MAP3K15: variants seen among roughly 807,000 people sequenced by gnomAD.
MAP3K15 encodes the protein MAPK/ERK kinase kinase 15.
Under a neutral mutation model 99.5 loss-of-function variants are expected in MAP3K15, and 124 were observed. The ratio of observed to expected loss-of-function variants is 1.25; its 90% CI spans 1.08 to 1.45. The LOEUF is 1.45. MAP3K15 is among the 40% of genes most tolerant of loss of function. The pLI, the probability that MAP3K15 is intolerant of heterozygous loss-of-function variation, is 0.00. For missense variants in MAP3K15, 1,242 were observed against 1,079.7 expected (o/e 1.15, Z -2.11); for synonymous variants, 494 against 439.6 (o/e 1.12, Z -1.55).
chrX:19,419,331 C>A (rs757263689), intron 9 of MAP3K15, among the ~76,000 whole-genome samples: 3,849 of 105,540 alleles, frequency 0.036, 186 homozygotes, highest in African/African-American at 0.12. Flanking sequence ...TCAAAATAAA[C>A]GGATGGAGGA....
chrX:19,493,301 G>C (rs1186797209), intron 1 of MAP3K15, among the ~76,000 whole-genome samples: 2 of 96,949 alleles, frequency 2.1e-5, no homozygotes, highest in African/African-American at 7.8e-5. Flanking sequence ...GATTGGGAGA[G>C]ACTTTTCACT....
intron 19 of MAP3K15, among the ~76,000 whole-genome samples, chrX:19,378,555 C>T (rs1266400790): frequency 9.0e-6 from 1 of 111,424 alleles, no homozygotes; most frequent in African/African-American, 3.3e-5. Flanking sequence ...ATCAGAAGAA[C>T]TGGATGGGGG....
At chrX:19,476,174 T>C (rs777788653) in intron 3 of MAP3K15, among the ~76,000 whole-genome samples, 4 of 112,092 alleles carry the variant, frequency 3.6e-5, no homozygotes, top group Non-Finnish European at 7.5e-5. Flanking sequence ...AGTCAACAAA[T>C]GGCCAAGTGA....
chrX:19,436,785 C>G (rs1426257525), intron 6 of MAP3K15, among the ~76,000 whole-genome samples: 1 of 111,703 alleles, frequency 9.0e-6, no homozygotes, highest in Non-Finnish European at 1.9e-5. Flanking sequence ...TGAAGCGACT[C>G]TCATGCCTCA....
chrX:19,447,808 C>T (rs1328864972), intron 6 of MAP3K15, among the ~76,000 whole-genome samples: 2 of 80,356 alleles, frequency 2.5e-5, no homozygotes, highest in Non-Finnish European at 4.8e-5. Flanking sequence ...GGCGTGAACC[C>T]GGGAGGCGGA....
chrX:19,502,454 C>G (rs1207777508), intron 1 of MAP3K15, among the ~76,000 whole-genome samples: 1 of 111,251 alleles, frequency 9.0e-6, no homozygotes. Flanking sequence ...TGCCTTGCCT[C>G]CCCTTCCCCT....
At chrX:19,490,920 T>G (rs1417402448) in intron 1 of MAP3K15, among the ~76,000 whole-genome samples, 2 of 110,918 alleles carry the variant, frequency 1.8e-5, no homozygotes, top group Non-Finnish European at 3.8e-5. Flanking sequence ...GATGTAAGAG[T>G]TCCAAGTTTG....
At chrX:19,492,688 C>T (rs1322232122) in intron 1 of MAP3K15, among the ~76,000 whole-genome samples, 4 of 111,715 alleles carry the variant, frequency 3.6e-5, no homozygotes, top group South Asian at 3.7e-4. Context: ...TGTTTCAGGC[C>T]GGGCGCGGTG....
chrX:19,487,384 A>T (rs759870132), intron 2 of MAP3K15, among the ~76,000 whole-genome samples: 1 of 111,811 alleles, frequency 8.9e-6, no homozygotes, highest in Non-Finnish European at 1.9e-5. Context: ...TTGAAAAAAA[A>T]ATTCTAATTT....
chrX:19,374,714 G>T, intron 19 of MAP3K15, 54 bp from the exon 20 acceptor site: 1 of 1,085,217 alleles, frequency 9.2e-7, no homozygotes, highest in Admixed American at 2.3e-5. Context: ...GGTGAATTCA[G>T]GTATCCATGT....
chrX:19,367,723 A>AT (rs748998915), intron 25 of MAP3K15, among the ~76,000 whole-genome samples: 591 of 24,121 alleles, frequency 0.025, 260 homozygotes, highest in East Asian at 0.062. Flanking sequence ...ATAACTATGG[A>AT]TTTTTTTTTT....
rs369408114 is a variant in MAP3K15 at position 19,459,978 on chromosome X, T to A, written c.888+7A>T. The A allele has an allele frequency of 3.5e-6, 4 of 1,133,351 alleles. No homozygotes were observed. In the African/African-American group the frequency reaches 7.3e-5, roughly 21 times the overall value. The allele number at this position is 1,133,351 out of a possible 1,213,427, so 93.4% of individuals were successfully genotyped here. ...ATACGTGAGCCTCGGCTAGGTGGAT[T>A]TCATACCTGGATATCACGGTAGGAC... On this transcript the variant is annotated splice_region_variant and intron_variant, in intron 5 of 28. Coordinates refer to ENST00000338883, the MANE Select transcript of MAP3K15 (RefSeq NM_001001671.4).
At position 19,452,388 on chromosome X, in the gene MAP3K15, GAGA is replaced by G. The variant is rs1569229872; in HGVS notation, c.995+4522_995+4524del. ...AGAGAAGAGAAGAGAGAAAAGAAAA[GAGA>G]AAAGAAAAGAAAAGAAAAGAAAAGA... On this transcript the variant is annotated intron_variant, in intron 6 of 28. Transcript: ENST00000338883. Among the ~76,000 whole-genome samples, 4 of 3,204 alleles carry G rather than the reference GAGA, an allele frequency of 1.2e-3. 1 individual carries two copies. Among genetic ancestry groups the G allele is most frequent in the African/African-American group, 7.3e-3 (4 of 548 alleles). 2.8% of individuals were successfully genotyped at this position (3,204 alleles called of 115,157 possible).
intron 19 of MAP3K15, chrX:19,376,787 G>T: frequency 9.1e-6 from 1 of 110,369 alleles, no homozygotes; most frequent in Non-Finnish European, 1.9e-5. Flanking sequence ...TGGTCCGAGT[G>T]CAGTGGTGTT....
At chrX:19,413,872 A>G (rs996210917) in intron 10 of MAP3K15, among the ~76,000 whole-genome samples, 1 of 108,008 alleles carries the variant, frequency 9.3e-6, no homozygotes, top group East Asian at 3.0e-4. Context: ...AGGAGAGAAG[A>G]AGGAGGCCAA....
At chrX:19,452,352 AAGAGAAGAG>A (rs1392463809) in intron 6 of MAP3K15, among the ~76,000 whole-genome samples, 1 of 2,008 alleles carries the variant, frequency 5.0e-4, no homozygotes, top group East Asian at 0.059. Flanking sequence ...AGAGAAGAGA[AAGAGAAGAG>A]AAGAGAAGAG....
At chrX:19,452,388 GAGAAA>G (rs201782904) in intron 6 of MAP3K15, among the ~76,000 whole-genome samples, 62 of 3,208 alleles carry the variant, frequency 0.019, 22 homozygotes, top group African/African-American at 0.025. Context: ...GAAAAGAAAA[GAGAAA>G]AGAAAAGAAA....
chrX:19,503,568 G>C (rs2064454871), intron 1 of MAP3K15, among the ~76,000 whole-genome samples: 1 of 111,151 alleles, frequency 9.0e-6, no homozygotes, highest in Non-Finnish European at 1.9e-5. Context: ...TGGGACTATA[G>C]GCATGGGCCA....
chrX:19,412,426 T>G (rs1259493076), intron 11 of MAP3K15, among the ~76,000 whole-genome samples: 3 of 111,333 alleles, frequency 2.7e-5, no homozygotes, highest in Non-Finnish European at 5.7e-5. Flanking sequence ...GCGGAAGGAA[T>G]GAAGGAGTGG....
Sources: gnomAD v4.1 joint callset for allele counts (sites outside exome capture counted in the v4.1 genomes callset) on GRCh38, gnomAD v4.1.1 for gene constraint, MANE v1.5 for transcripts, NCBI Gene and HGNC (gene_info 2026-07-23, HGNC 2026-07-21) for gene names.